ERO1A: variants seen among roughly 807,000 people sequenced by gnomAD.
ERO1A encodes the protein endoplasmic reticulum oxidoreductase 1 alpha.
Under a neutral mutation model 76.9 loss-of-function variants are expected in ERO1A, and 49 were observed. The ratio of observed to expected loss-of-function variants is 0.64; its 90% CI spans 0.51 to 0.81. ERO1A has a LOEUF of 0.81. ERO1A is among the 30% of genes least tolerant of loss of function. ERO1A has a pLI of 0.00. For missense variants in ERO1A, 448 were observed against 542.1 expected (o/e 0.83, Z 1.72); for synonymous variants, 174 against 181.2 (o/e 0.96, Z 0.32).
At chr14:52,692,450 G>C (rs1411916575) in intron 1 of ERO1A, among the ~76,000 whole-genome samples, 2 of 152,200 alleles carry the variant, frequency 1.3e-5, no homozygotes, top group Non-Finnish European at 2.9e-5. Context: ...GATGTGGTAA[G>C]AGGGACAGGC....
intron 11 of ERO1A, among the ~76,000 whole-genome samples, chr14:52,655,245 A>AT (rs2040005607): frequency 6.6e-6 from 1 of 152,066 alleles, no homozygotes; most frequent in African/African-American, 2.4e-5. Context: ...CATGCCTGTA[A>AT]TCCCAGTTAC....
chr14:52,689,987 G>A (rs1476930496), intron 1 of ERO1A, among the ~76,000 whole-genome samples: 2 of 152,118 alleles, frequency 1.3e-5, no homozygotes, highest in African/African-American at 4.8e-5. Context: ...CACATGTCTG[G>A]CCAACTAATC....
chr14:52,665,103 A>G (rs1189142281), intron 7 of ERO1A, among the ~76,000 whole-genome samples: 1 of 151,734 alleles, frequency 6.6e-6, no homozygotes, highest in East Asian at 2.0e-4. Flanking sequence ...GGAGTTCAAG[A>G]ACAGCCTGGA....
At chr14:52,664,023 A>G (rs2139684906) in intron 7 of ERO1A, 176 bp from the exon 8 acceptor site, 3 of 454,210 alleles carry the variant, frequency 6.6e-6, no homozygotes, top group South Asian at 7.2e-5. Flanking sequence ...TGTTGTAGTG[A>G]TAATAGTTCC....
At chr14:52,666,925 C>G (rs1049854148) in intron 6 of ERO1A, among the ~76,000 whole-genome samples, 6 of 152,022 alleles carry the variant, frequency 3.9e-5, no homozygotes, top group African/African-American at 1.5e-4. Context: ...AGCGAGACTC[C>G]GTCTCAGAAA....
chr14:52,649,614 TG>T, intron 13 of ERO1A, among the ~76,000 whole-genome samples: 1 of 151,292 alleles, frequency 6.6e-6, no homozygotes, highest in East Asian at 1.9e-4. Context: ...AAAGAGCTGA[TG>T]CCAGAACACT....
intron 12 of ERO1A, among the ~76,000 whole-genome samples, chr14:52,652,853 C>G (rs1315520467): frequency 6.6e-6 from 1 of 151,948 alleles, no homozygotes; most frequent in South Asian, 2.1e-4. Flanking sequence ...CAAAAATTAG[C>G]CCGGTGTGGT....
intron 11 of ERO1A, among the ~76,000 whole-genome samples, chr14:52,655,579 T>A (rs546644589): frequency 6.6e-6 from 1 of 152,304 alleles, no homozygotes; most frequent in South Asian, 2.1e-4. Context: ...CTCTGTGGAT[T>A]TGAAATCTGG....
intron 6 of ERO1A, 63 bp downstream of exon 6, chr14:52,671,567 T>C (rs1317328706): frequency 2.4e-6 from 3 of 1,246,138 alleles, no homozygotes; most frequent in South Asian, 1.4e-5. Flanking sequence ...TTAAAATAAT[T>C]AAAAACTTTT....
chr14:52,654,287 T>A (rs2039972280), intron 11 of ERO1A, among the ~76,000 whole-genome samples: 1 of 152,168 alleles, frequency 6.6e-6, no homozygotes, highest in African/African-American at 2.4e-5. Flanking sequence ...CTAATAAGAA[T>A]GATTTTTATA....
intron 13 of ERO1A, 157 bp from the exon 14 acceptor site, chr14:52,646,618 C>A: frequency 1.8e-6 from 1 of 541,774 alleles, no homozygotes. Context: ...ATACCAGATC[C>A]TTACATACAC....
At chr14:52,690,469 A>G (rs2041318236) in intron 1 of ERO1A, among the ~76,000 whole-genome samples, 1 of 152,242 alleles carries the variant, frequency 6.6e-6, no homozygotes, top group African/African-American at 2.4e-5. Flanking sequence ...GGCCGGGCAC[A>G]GTGGCTCATG....
At chr14:52,692,198 T>C (rs2041376058) in intron 1 of ERO1A, among the ~76,000 whole-genome samples, 1 of 152,248 alleles carries the variant, frequency 6.6e-6, no homozygotes, top group African/African-American at 2.4e-5. Context: ...GCTCACTTCT[T>C]GGAAGTGTCA....
At chr14:52,665,367 A>G (rs867177414) in intron 7 of ERO1A, among the ~76,000 whole-genome samples, 31 of 151,930 alleles carry the variant, frequency 2.0e-4, no homozygotes, top group African/African-American at 7.3e-4. Context: ...ATAATAGTCA[A>G]GATAATTTAA....
At chr14:52,644,441 A>G (rs1472640366) in intron 15 of ERO1A, among the ~76,000 whole-genome samples, 1 of 152,184 alleles carries the variant, frequency 6.6e-6, no homozygotes, top group Non-Finnish European at 1.5e-5. Context: ...ATACATAAGT[A>G]TGAGATACAT....
intron 4 of ERO1A, among the ~76,000 whole-genome samples, chr14:52,674,412 T>C (rs2040713495): frequency 6.6e-6 from 1 of 152,170 alleles, no homozygotes; most frequent in African/African-American, 2.4e-5. Context: ...TTGCCCAGAC[T>C]GGTCTTGAAC....
At position 52,671,797 on chromosome 14, in the gene ERO1A, C is replaced by A; in HGVS notation, c.432G>T (p.Leu144=). ...AERLGAVDES[L]SEETQKAVLQ... is the part of the protein sequence containing the mutation. The stretch of plus-strand genomic sequence containing the variant: ...ACTGCTGAAAAATAAAATCAAACCT[C>A]AGAGATTCATCCACTGCTCCAAGTC... Residue 144 remains leucine (L), a splice_region_variant and synonymous_variant, in exon 5 of 16, where the codon CTG becomes CTT. Transcript: ENST00000395686. 1 of 1,605,676 alleles carries A rather than the reference C, an allele frequency of 6.2e-7. No individual in the cohort carries two copies. The highest frequency in any genetic ancestry group is 8.5e-7 in the Non-Finnish European group (1 of 1,175,752).
At chr14:52,658,230 G>T in intron 9 of ERO1A, 80 bp from the exon 10 acceptor site, 1 of 948,468 alleles carries the variant, frequency 1.1e-6, no homozygotes, top group Non-Finnish European at 1.6e-6. Context: ...AAGCATTATA[G>T]CAAATTTGTG....
intron 1 of ERO1A, among the ~76,000 whole-genome samples, chr14:52,693,863 AAAAG>A (rs770677056): frequency 2.6e-5 from 4 of 152,332 alleles, no homozygotes; most frequent in Admixed American, 6.5e-5. Context: ...TTCTAAAAGA[AAAAG>A]AAAGGGGTTT....
Sources: allele counts gnomAD v4.1 joint callset (sites outside exome capture counted in the v4.1 genomes callset), GRCh38; gene constraint gnomAD v4.1.1; transcripts MANE v1.5; gene names NCBI Gene and HGNC (gene_info 2026-07-23, HGNC 2026-07-21).